The following COL1A2 variants were observed in gnomAD, a reference collection of about 807,000 sequenced individuals.
COL1A2 encodes the protein collagen alpha-2(I) chain.
In COL1A2, 49 loss-of-function variants were observed where a neutral mutation model predicts 174.3. The ratio of observed to expected loss-of-function variants is 0.28; its 90% CI spans 0.22 to 0.36. The LOEUF is 0.36. Among genes scored for constraint, COL1A2 ranks in the 10% least tolerant of loss-of-function variants. The pLI, the probability that COL1A2 is intolerant of heterozygous loss-of-function variation, is 1.00. For missense variants in COL1A2, 1,438 were observed against 1,822.7 expected, an observed-to-expected ratio of 0.79 and a Z score of 3.84; for synonymous variants, 655 against 606.6, an observed-to-expected ratio of 1.08 and a Z score of -1.17.
chr7:94,405,801 T>C, intron 11 of COL1A2, 75 bp downstream of exon 11: 2 of 1,134,432 alleles, frequency 1.8e-6, no homozygotes, highest in Non-Finnish European at 1.3e-6. Flanking sequence ...GTTTAAAATC[T>C]TGGGTGACAT....
chr7:94,427,874 A>G lies in COL1A2; in HGVS notation c.3515A>G (p.Glu1172Gly). The G allele has an allele frequency of 6.2e-7, 1 of 1,614,128 alleles. No individual in the cohort carries two copies. Among genetic ancestry groups the G allele is most frequent in the Non-Finnish European group, 8.5e-7 (1 of 1,180,026 alleles). The change falls in exon 49 of 52, where the codon GAG becomes GGG. Residue 1172 changes from glutamate (E) to glycine (G), a missense_variant. This residue lies in a region of COL1A2 where 290 missense variants were observed against 298.1 expected (regional missense o/e 0.97). Transcript: ENST00000297268. ...CGTGACTTGAGACTCAGCCACCCAG[A>G]GTGGAGCAGTGGTAGGTCAAGATGT... is the stretch of plus-strand genomic sequence containing the variant. ...TCRDLRLSHP[E>G]WSSGYYWIDP...
In COL1A2 at chr7:94,398,446, A is replaced by G. The variant is rs1383248402; in HGVS notation, c.96+50A>G. On this transcript the variant is annotated intron_variant, in intron 3 of 51. Coordinates refer to ENST00000297268, the MANE Select transcript of COL1A2 (RefSeq NM_000089.4). ...AATATCTAAAATTATCAGGGATAAC[A>G]TAATTTAACTAAATTTATAGTAGAC... is the stretch of plus-strand genomic sequence containing the variant. 9.9e-6 allele frequency: 8 copies of G among 807,730 alleles called. No individual in the cohort carries two copies. The East Asian group carries it at 1.6e-4, about 16-fold the overall frequency. The allele number at this position is 807,730 out of a possible 1,614,324, so 50.0% of individuals were successfully genotyped here.
chr7:94,420,635 C>T lies in COL1A2; in HGVS notation c.2282C>T (p.Ala761Val). The T allele has an allele frequency of 6.3e-7, 1 of 1,599,358 alleles. No individual in the cohort carries two copies. Among genetic ancestry groups the T allele is most frequent in the Non-Finnish European group, 8.5e-7 (1 of 1,172,596 alleles). ...GTTGGTCCCACAGGCCCCGTTGGAG[C>T]TGCTGGCCCAGCTGTAAGTTGAATT... is the stretch of plus-strand genomic sequence containing the variant. ...GVVGPTGPVG[A>V]AGPAGPNGPP... Residue 761 changes from alanine to valine, a missense_variant, in exon 37 of 52, where the codon GCT (alanine) becomes GTT (valine). By Grantham distance (64) the Ala-to-Val change is moderately conservative. Coordinates refer to ENST00000297268, the MANE Select transcript of COL1A2 (RefSeq NM_000089.4).
intron 45 of COL1A2, 129 bp from the exon 46 acceptor site, chr7:94,426,294 G>C: frequency 1.1e-6 from 1 of 924,672 alleles, no homozygotes. Flanking sequence ...TACCAGCAGA[G>C]GTGAGAGCCT....
chr7:94,396,873 C>T (rs1187945582), intron 1 of COL1A2, among the ~76,000 whole-genome samples: 6 of 152,104 alleles, frequency 3.9e-5, no homozygotes, highest in African/African-American at 1.4e-4. Flanking sequence ...TGGGGTGATT[C>T]ATCCTACTGC....
In COL1A2 at chr7:94,404,528, A is replaced by G. The variant is rs1269084049; in HGVS notation, c.280-28A>G. On this transcript the variant is annotated intron_variant, in intron 6 of 51. Transcript: ENST00000297268. ...ACACCATGACAACTTATCAGTGCTA[A>G]CTGTTGATATATCTGCTTTCTTTAC... The G allele has an allele frequency of 2.5e-6, 4 of 1,611,954 alleles. No individual in the cohort carries two copies. In the South Asian group the frequency reaches 4.4e-5, roughly 18 times the overall value.
rs925876166 is a variant in COL1A2, at chr7:94,407,901, G to A, written c.639+10G>A. Reference sequence around the variant, plus strand: ...AACTCCAGGTCAAACAGTAAGTATTGACTACTTCATTGTAAATTTAAATGT... The same window carrying A: ...AACTCCAGGTCAAACAGTAAGTATTAACTACTTCATTGTAAATTTAAATGT... On this transcript the variant is annotated intron_variant, in intron 13 of 51. Coordinates refer to ENST00000297268, the MANE Select transcript of COL1A2 (RefSeq NM_000089.4). 2 of 1,611,170 alleles carry A rather than the reference G, an allele frequency of 1.2e-6. No individual in the cohort carries two copies. The highest frequency in any genetic ancestry group is 1.7e-6 in the Non-Finnish European group (2 of 1,177,684).
chr7:94,411,495 T>A (rs1791923072), intron 23 of COL1A2, among the ~76,000 whole-genome samples: 1 of 152,204 alleles, frequency 6.6e-6, no homozygotes, highest in African/African-American at 2.4e-5. Flanking sequence ...ATTAGGACTA[T>A]ACATTTTTGG....
chr7:94,400,281 T>C lies in COL1A2; in HGVS notation c.218T>C (p.Leu73Pro). The C allele has an allele frequency of 6.2e-7, 1 of 1,613,730 alleles. No individual in the cohort carries two copies. Among genetic ancestry groups the C allele is most frequent in the Non-Finnish European group, 8.5e-7 (1 of 1,179,820 alleles). Reference protein sequence around the residue: ...GPPGPPGPPGLGGNFAAQYDG... With the variant: ...GPPGPPGPPGPGGNFAAQYDG... The stretch of plus-strand genomic sequence containing the variant: ...CCTGGTCCTCCTGGCCCCCCTGGTC[T>C]CGGTGGGGTAAGGTGTCTTACGTAT... Residue 73 changes from leucine (L) to proline (P), a missense_variant, in exon 5 of 52, where the codon CTC (leucine) becomes CCC (proline). Leu to Pro is a moderately conservative substitution (Grantham distance 98). Coordinates refer to ENST00000297268, the MANE Select transcript of COL1A2 (RefSeq NM_000089.4).
intron 10 of COL1A2, among the ~76,000 whole-genome samples, 177 bp from the exon 11 acceptor site, chr7:94,405,496 C>T (rs1051254823): frequency 2.0e-5 from 3 of 152,094 alleles, no homozygotes; most frequent in Admixed American, 6.6e-5. Context: ...CTACAAATAC[C>T]GTATTATTAG....
chr7:94,427,429 T>C (rs1422388273), intron 48 of COL1A2, 134 bp downstream of exon 48: 2 of 1,076,902 alleles, frequency 1.9e-6, no homozygotes, highest in Non-Finnish European at 2.8e-6. Flanking sequence ...TATCTGGAAA[T>C]TGTCTATATG....
chr7:94,429,633 A>T lies in COL1A2; in HGVS notation c.3954+203A>T, dbSNP rs1406299997. ...GTATTAATTTCGTACTTAAATTCAG[A>T]TGATAAATTCAGAGTATTCTTATCA... On this transcript the variant is annotated intron_variant, in intron 51 of 51. Coordinates refer to ENST00000297268, the MANE Select transcript of COL1A2 (RefSeq NM_000089.4). 1.6e-5 allele frequency: 9 copies of T among 558,040 alleles called. No individual in the cohort carries two copies. In the Admixed American group the frequency reaches 2.9e-4, roughly 18 times the overall value. 34.6% of individuals were successfully genotyped at this position (558,040 alleles called of 1,614,324 possible). A position where few individuals can be genotyped will look rare whatever the true frequency, so the allele number is the denominator to read the frequency against.
At chr7:94,420,195 C>G (rs564507849) in intron 34 of COL1A2, 38 bp from the exon 35 acceptor site, 2 of 1,612,256 alleles carry the variant, frequency 1.2e-6, no homozygotes, top group Non-Finnish European at 8.5e-7. Flanking sequence ...GCATCTATGT[C>G]AGGCACATTA....
chr7:94,419,561 C>T lies in COL1A2; in HGVS notation c.2079+10C>T. The T allele has an allele frequency of 6.2e-7, 1 of 1,613,940 alleles. No individual in the cohort carries two copies. On this transcript the variant is annotated intron_variant, in intron 34 of 51. Transcript: ENST00000297268. Reference sequence around the variant, plus strand: ...AGCCACAGGTGACCGGGTAAGCATGCATTTTCACTAAGCCAACAGCAATAT... The same window carrying T: ...AGCCACAGGTGACCGGGTAAGCATGTATTTTCACTAAGCCAACAGCAATAT...
intron 15 of COL1A2, 132 bp from the exon 16 acceptor site, chr7:94,408,638 G>A: frequency 9.6e-7 from 1 of 1,036,724 alleles, no homozygotes; most frequent in Middle Eastern, 2.0e-4. Context: ...ACAACAGACT[G>A]GTTGTCAGTT....
Position 94,413,988 on chromosome 7 carries a change from C to T in COL1A2, c.1665+41C>T, listed in dbSNP as rs778122708. 5.8e-6 allele frequency: 9 copies of T among 1,556,564 alleles called. 1 individual carries two copies. The South Asian group carries it at 7.8e-5, about 13-fold the overall frequency. ...CATATACAATACTGCCTTTGGTCAGCCTATTGAGCTGTAAATCACCATACC... is the reference window on the plus strand; with the variant it reads ...CATATACAATACTGCCTTTGGTCAGTCTATTGAGCTGTAAATCACCATACC... On this transcript the variant is annotated intron_variant, in intron 28 of 51. Transcript: ENST00000297268.
At position 94,418,565 on chromosome 7, in the gene COL1A2, T is replaced by C. The variant is rs1382315416; in HGVS notation, c.2025+13T>C. ...AGATGGTGCTCGTGTGAGTAGAATT[T>C]TGTTTGTATGTTTCTTCGTACTTGG... On this transcript the variant is annotated intron_variant, in intron 33 of 51. Transcript: ENST00000297268. 6.2e-7 allele frequency: 1 copy of C among 1,610,700 alleles called. No individual in the cohort carries two copies. The highest frequency in any genetic ancestry group is 1.7e-5 in the Admixed American group (1 of 59,678).
intron 44 of COL1A2, 49 bp from the exon 45 acceptor site, chr7:94,425,949 G>A (rs1239347658): frequency 2.5e-6 from 4 of 1,604,962 alleles, no homozygotes; most frequent in Admixed American, 1.7e-5. Context: ...GGAGTGGGGA[G>A]GGGTATCTTG....
intron 23 of COL1A2, among the ~76,000 whole-genome samples, chr7:94,411,604 A>G (rs185910903): frequency 6.6e-6 from 1 of 152,222 alleles, no homozygotes. Flanking sequence ...CTCTAGGTCC[A>G]TAGACACACT....
Sources: allele counts gnomAD v4.1 joint callset (sites outside exome capture counted in the v4.1 genomes callset), GRCh38; gene constraint gnomAD v4.1.1; regional missense constraint gnomAD v4.1.1; transcripts MANE v1.5; gene names NCBI Gene and HGNC (gene_info 2026-07-23, HGNC 2026-07-21).